The following IMMP2L variants were observed in gnomAD, a reference collection of about 807,000 sequenced individuals.
IMMP2L encodes the protein mitochondrial inner membrane protease subunit 2.
In IMMP2L, 18 loss-of-function variants were observed where a neutral mutation model predicts 19.3. That is an observed-to-expected ratio of 0.93 (90% CI 0.64 to 1.38). The LOEUF (loss-of-function observed/expected upper bound fraction) is 1.38. IMMP2L is among the 40% of genes most tolerant of loss of function. The probability of loss-of-function intolerance (pLI) is 0.00; values close to 1 mark genes in which losing one functional copy is unlikely to be tolerated. For missense variants in IMMP2L, 233 were observed against 218.2 expected (o/e 1.07, Z -0.43); for synonymous variants, 76 against 73.0 (o/e 1.04, Z -0.21).
At chr7:111,275,905 T>C (rs993122662) in intron 3 of IMMP2L, among the ~76,000 whole-genome samples, 15 of 152,152 alleles carry the variant, frequency 9.9e-5, no homozygotes, top group African/African-American at 3.4e-4. Flanking sequence ...CCTGAAACTT[T>C]ACTGAATCCA....
At chr7:111,481,597 T>C (rs1842193919) in intron 3 of IMMP2L, among the ~76,000 whole-genome samples, 1 of 150,318 alleles carries the variant, frequency 6.7e-6, no homozygotes, top group South Asian at 2.1e-4. Flanking sequence ...AAAAATATTA[T>C]GTTTTTTTTT....
At chr7:111,064,841 A>C (rs1001656013) in intron 3 of IMMP2L, among the ~76,000 whole-genome samples, 2 of 152,230 alleles carry the variant, frequency 1.3e-5, no homozygotes, top group Non-Finnish European at 2.9e-5. Context: ...AATGGAGACG[A>C]GGAAGAGTAG....
At chr7:111,419,944 TGCTTAATG>T (rs1835327192) in intron 3 of IMMP2L, among the ~76,000 whole-genome samples, 1 of 151,792 alleles carries the variant, frequency 6.6e-6, no homozygotes. Flanking sequence ...ACATAGTTAT[TGCTTAATG>T]GATACACGGC....
At chr7:111,012,144 A>G (rs920234641) in intron 3 of IMMP2L, among the ~76,000 whole-genome samples, 2 of 152,196 alleles carry the variant, frequency 1.3e-5, no homozygotes, top group Admixed American at 1.3e-4. Flanking sequence ...GATCAAAGGT[A>G]CAGGGATAAA....
At chr7:111,064,038 A>G (rs190569515) in intron 3 of IMMP2L, among the ~76,000 whole-genome samples, 1 of 152,242 alleles carries the variant, frequency 6.6e-6, no homozygotes, top group Non-Finnish European at 1.5e-5. Flanking sequence ...AATTTACTGT[A>G]TTCATCAGTT....
chr7:110,937,467 C>T (rs957275062), intron 4 of IMMP2L, among the ~76,000 whole-genome samples: 8 of 152,222 alleles, frequency 5.3e-5, no homozygotes, highest in South Asian at 2.1e-4. Flanking sequence ...AGGCAGTTTC[C>T]GGGTACTCCA....
chr7:110,693,416 G>C (rs1457622009), intron 5 of IMMP2L, among the ~76,000 whole-genome samples: 2 of 152,180 alleles, frequency 1.3e-5, no homozygotes, highest in East Asian at 3.9e-4. Context: ...GTGCCATCTA[G>C]TCTTTATAGC....
At chr7:110,788,597 T>C (rs1033144911) in intron 5 of IMMP2L, among the ~76,000 whole-genome samples, 2 of 151,760 alleles carry the variant, frequency 1.3e-5, no homozygotes, top group African/African-American at 4.9e-5. Context: ...ATCTGTAGCA[T>C]AGAACCCTCT....
intron 3 of IMMP2L, among the ~76,000 whole-genome samples, chr7:111,407,444 G>T (rs977664443): frequency 6.6e-6 from 1 of 151,928 alleles, no homozygotes; most frequent in Non-Finnish European, 1.5e-5. Context: ...AAAATGAGGT[G>T]CATCTAAACA....
intron 1 of IMMP2L, among the ~76,000 whole-genome samples, chr7:111,540,663 G>C (rs1010746750): frequency 1.3e-5 from 2 of 152,072 alleles, no homozygotes; most frequent in Non-Finnish European, 2.9e-5. Context: ...CCCCAACTAA[G>C]TTGTAAGCCC....
intron 3 of IMMP2L, among the ~76,000 whole-genome samples, chr7:111,115,554 T>C (rs2129585337): frequency 6.6e-6 from 1 of 152,284 alleles, no homozygotes; most frequent in African/African-American, 2.4e-5. Context: ...GAGATTTCTG[T>C]ACTGTAAACT....
At chr7:110,807,230 C>G (rs1404809259) in intron 5 of IMMP2L, among the ~76,000 whole-genome samples, 1 of 151,976 alleles carries the variant, frequency 6.6e-6, no homozygotes, top group Non-Finnish European at 1.5e-5. Context: ...TTCTTCTAGT[C>G]CCTATGGAGT....
intron 3 of IMMP2L, among the ~76,000 whole-genome samples, chr7:111,017,065 CTTTA>C (rs541160576): frequency 9.2e-5 from 13 of 140,624 alleles, no homozygotes; most frequent in Admixed American, 1.5e-4. Context: ...ATATATGTGC[CTTTA>C]TTTATTTATT....
intron 1 of IMMP2L, among the ~76,000 whole-genome samples, chr7:111,556,281 TGCTAAATGAGTAGATTTTA>T (rs1273525824): frequency 6.6e-6 from 1 of 151,830 alleles, no homozygotes; most frequent in Non-Finnish European, 1.5e-5. Context: ...TCCTGACTTT[TGCTAAATGAGTAGATTTTA>T]GCTACTCTTG....
In IMMP2L at chr7:111,445,795, C is replaced by T. The variant is rs997784981; in HGVS notation, c.239+41443G>A. 3.9e-5 allele frequency among the ~76,000 whole-genome samples: 6 copies of T among 152,132 alleles called. No homozygotes were observed. The South Asian group carries it at 1.2e-3, about 32-fold the overall frequency. On this transcript the variant is annotated intron_variant, in intron 3 of 5. Transcript: ENST00000405709. ...GATTTCTGCATTTCCATCTGAGGTA[C>T]CGGGTTCATCTCACTAGGGAGTGCC...
chr7:111,014,920 A>T (rs2129564391), intron 3 of IMMP2L, among the ~76,000 whole-genome samples: 1 of 152,286 alleles, frequency 6.6e-6, no homozygotes, highest in African/African-American at 2.4e-5. Context: ...GTTGTCAAAG[A>T]TGTGGAGAAT....
At chr7:111,188,340 C>T (rs1382870269) in intron 3 of IMMP2L, among the ~76,000 whole-genome samples, 1 of 152,136 alleles carries the variant, frequency 6.6e-6, no homozygotes, top group Non-Finnish European at 1.5e-5. Flanking sequence ...AGGCTGAGAT[C>T]AGAATGTCAG....
chr7:111,499,147 A>G (rs891576693), intron 2 of IMMP2L, among the ~76,000 whole-genome samples: 1 of 152,112 alleles, frequency 6.6e-6, no homozygotes, highest in African/African-American at 2.4e-5. Context: ...GTGTTCCAGG[A>G]GCAAAAACTC....
intron 3 of IMMP2L, among the ~76,000 whole-genome samples, chr7:111,350,338 C>T (rs937928539): frequency 1.5e-5 from 2 of 130,588 alleles, no homozygotes; most frequent in African/African-American, 3.1e-5. Flanking sequence ...TATCATCAAG[C>T]TTGCATATAT....
Sources: gnomAD v4.1 joint callset for allele counts (sites outside exome capture counted in the v4.1 genomes callset) on GRCh38, gnomAD v4.1.1 for gene constraint, MANE v1.5 for transcripts, NCBI Gene and HGNC (gene_info 2026-07-23, HGNC 2026-07-21) for gene names.